The following TRDN variants were observed in gnomAD, a reference collection of about 807,000 sequenced individuals.
TRDN encodes the protein triadin, also known as triadin in skeletal muscle.
TRDN carries 161 observed loss-of-function variants against 149.7 expected under a neutral mutation model. The ratio of observed to expected loss-of-function variants is 1.08; its 90% confidence interval spans 0.95 to 1.23. TRDN has a LOEUF of 1.23. TRDN is among the 50% of genes most tolerant of loss of function. The probability of loss-of-function intolerance (pLI) is 0.00; values close to 1 mark genes in which losing one functional copy is unlikely to be tolerated. For missense variants in TRDN, 896 were observed against 823.5 expected (o/e 1.09, Z -1.08); for synonymous variants, 294 against 250.5 (o/e 1.17, Z -1.64).
chr6:123,314,375 G>A (rs1778946973), intron 24 of TRDN, among the ~76,000 whole-genome samples: 1 of 151,960 alleles, frequency 6.6e-6, no homozygotes, highest in Admixed American at 6.6e-5. Context: ...TGGAGAAAAA[G>A]GAACGCATAT....
Position 123,377,857 on chromosome 6 carries a change from AAC to A in TRDN, c.1219+7_1219+8del, listed in dbSNP as rs2114402886. The A allele has an allele frequency of 6.3e-7, 1 of 1,579,234 alleles. No homozygotes were observed. Among genetic ancestry groups the A allele is most frequent in the Non-Finnish European group, 8.7e-7 (1 of 1,154,866 alleles). On this transcript the variant is annotated splice_region_variant and intron_variant, in intron 17 of 40. Transcript: ENST00000334268. The stretch of plus-strand genomic sequence containing the variant: ...AATTGTGAGAACAGAGGAATTTAAA[AAC>A]AGTTACCTGGTTCCACATGTTTTTC...
chr6:123,268,214 A>T (rs538506916), intron 31 of TRDN, among the ~76,000 whole-genome samples: 42 of 152,112 alleles, frequency 2.8e-4, no homozygotes, highest in African/African-American at 1.0e-3. Flanking sequence ...TTTCTTATTG[A>T]AAATTTAAAC....
At chr6:123,289,313 A>T (rs1180539289) in intron 24 of TRDN, among the ~76,000 whole-genome samples, 1 of 151,946 alleles carries the variant, frequency 6.6e-6, no homozygotes, top group Non-Finnish European at 1.5e-5. Flanking sequence ...GGTGGTTACC[A>T]GAGGGTAGAG....
chr6:123,259,710 C>G (rs1322637798), intron 34 of TRDN, 48 bp from the exon 35 acceptor site: 2 of 1,329,290 alleles, frequency 1.5e-6, no homozygotes, highest in Non-Finnish European at 2.1e-6. Context: ...AAAAACATGA[C>G]TTTCTTACTC....
intron 21 of TRDN, among the ~76,000 whole-genome samples, chr6:123,339,918 A>T (rs552614485): frequency 9.2e-5 from 14 of 152,270 alleles, no homozygotes; most frequent in African/African-American, 3.4e-4. Flanking sequence ...TTAAAAATTT[A>T]AAATACAGAT....
intron 12 of TRDN, among the ~76,000 whole-genome samples, chr6:123,422,920 T>C (rs944450065): frequency 6.6e-6 from 1 of 152,156 alleles, no homozygotes; most frequent in African/African-American, 2.4e-5. Context: ...TTCAAGGGGC[T>C]ATTAGGAAAA....
intron 38 of TRDN, among the ~76,000 whole-genome samples, chr6:123,249,496 A>G (rs539522349): frequency 5.8e-4 from 88 of 152,302 alleles, no homozygotes; most frequent in Non-Finnish European, 7.9e-4. Flanking sequence ...TTATTGCAGC[A>G]CTATTCACAA....
At chr6:123,283,061 T>A (rs903351028) in intron 24 of TRDN, among the ~76,000 whole-genome samples, 4 of 151,830 alleles carry the variant, frequency 2.6e-5, no homozygotes, top group Non-Finnish European at 4.4e-5. Flanking sequence ...GCTTTTTTAA[T>A]GGGCCACAAA....
intron 9 of TRDN, among the ~76,000 whole-genome samples, chr6:123,479,202 C>T: frequency 6.6e-6 from 1 of 152,074 alleles, no homozygotes; most frequent in Non-Finnish European, 1.5e-5. Context: ...AAAACTTTAA[C>T]TTATATATTT....
intron 12 of TRDN, among the ~76,000 whole-genome samples, chr6:123,426,537 C>T (rs1774125266): frequency 6.6e-6 from 1 of 152,148 alleles, no homozygotes; most frequent in Non-Finnish European, 1.5e-5. Context: ...AAGTGGTTTA[C>T]CACATTCCGC....
chr6:123,533,467 C>G (rs972590232), intron 4 of TRDN, among the ~76,000 whole-genome samples: 1 of 152,010 alleles, frequency 6.6e-6, no homozygotes, highest in Non-Finnish European at 1.5e-5. Context: ...AAAGACTGGA[C>G]AGAGTTGTGG....
chr6:123,520,191 T>A (rs1457425226), intron 5 of TRDN, among the ~76,000 whole-genome samples: 2 of 152,132 alleles, frequency 1.3e-5, no homozygotes, highest in African/African-American at 4.8e-5. Flanking sequence ...ATGAACTTAA[T>A]AGAAATGCAA....
At chr6:123,550,051 C>A (rs74949165) in intron 2 of TRDN, among the ~76,000 whole-genome samples, 1 of 151,984 alleles carries the variant, frequency 6.6e-6, no homozygotes, top group Non-Finnish European at 1.5e-5. Flanking sequence ...TAGATACTTA[C>A]ATCAAGATGT....
intron 10 of TRDN, among the ~76,000 whole-genome samples, chr6:123,455,132 C>T (rs991616025): frequency 2.6e-5 from 4 of 151,866 alleles, no homozygotes; most frequent in South Asian, 4.2e-4. Context: ...TTTGACTTCA[C>T]GATTTTTTTT....
intron 10 of TRDN, among the ~76,000 whole-genome samples, chr6:123,447,101 C>G (rs1775427810): frequency 6.6e-6 from 1 of 151,910 alleles, no homozygotes; most frequent in East Asian, 1.9e-4. Context: ...GGCTCTGAAT[C>G]CATTTTTTTT....
chr6:123,417,483 T>G (rs1025852259), intron 12 of TRDN, among the ~76,000 whole-genome samples: 1 of 152,174 alleles, frequency 6.6e-6, no homozygotes, highest in Admixed American at 6.5e-5. Context: ...AAAGGGCTAT[T>G]TCTGTGATTG....
At chr6:123,546,837 TG>T (rs567258043) in intron 4 of TRDN, among the ~76,000 whole-genome samples, 40 of 152,150 alleles carry the variant, frequency 2.6e-4, no homozygotes, top group Admixed American at 7.2e-4. Flanking sequence ...TCCATGACAG[TG>T]ACACATCACA....
At chr6:123,512,631 T>C (rs371598765) in intron 6 of TRDN, among the ~76,000 whole-genome samples, 1 of 152,158 alleles carries the variant, frequency 6.6e-6, no homozygotes, top group East Asian at 1.9e-4. Flanking sequence ...AGGTAAAGCT[T>C]TCAGGGAAGA....
chr6:123,391,544 T>C (rs900719835), intron 13 of TRDN, among the ~76,000 whole-genome samples: 2 of 152,062 alleles, frequency 1.3e-5, no homozygotes, highest in South Asian at 2.1e-4. Flanking sequence ...GATCTCCAAA[T>C]TGGAATTTCC....
Sources: allele counts gnomAD v4.1 joint callset (sites outside exome capture counted in the v4.1 genomes callset), GRCh38; gene constraint gnomAD v4.1.1; transcripts MANE v1.5; gene names NCBI Gene and HGNC (gene_info 2026-07-23, HGNC 2026-07-21).